Variants in KIF3B observed in about 807,000 individuals in gnomAD.
KIF3B encodes the protein kinesin family member 3B.
In KIF3B, 38 loss-of-function variants were observed where a neutral mutation model predicts 74.3. The observed-to-expected ratio is 0.51, with a 90% CI of 0.39 to 0.67. KIF3B has a LOEUF of 0.67. Among genes scored for constraint, KIF3B ranks in the 30% least tolerant of loss-of-function variants. KIF3B has a pLI of 0.00. For synonymous variants in KIF3B, 326 were observed against 342.5 expected, an observed-to-expected ratio of 0.95 and a Z score of 0.53; for missense variants, 649 against 932.0, an observed-to-expected ratio of 0.70 and a Z score of 3.95.
At chr20:32,284,099 T>G (rs1373950532) in intron 1 of KIF3B, among the ~76,000 whole-genome samples, 1 of 151,964 alleles carries the variant, frequency 6.6e-6, no homozygotes, top group African/African-American at 2.4e-5. Context: ...AAAAAAAATT[T>G]TTGTTTTTAA....
chr20:32,281,468 A>G (rs971384381), intron 1 of KIF3B, among the ~76,000 whole-genome samples: 1 of 152,378 alleles, frequency 6.6e-6, no homozygotes, highest in East Asian at 1.9e-4. Context: ...CTTATATTCT[A>G]CTGGCAGCAA....
intron 1 of KIF3B, among the ~76,000 whole-genome samples, chr20:32,285,196 G>A (rs1367875024): frequency 6.6e-6 from 1 of 152,016 alleles, no homozygotes; most frequent in Non-Finnish European, 1.5e-5. Context: ...GACTGATGAG[G>A]CCGCAAACAG....
Position 32,316,571 on chromosome 20 carries a change from T to C in KIF3B, c.1551T>C (p.Asp517=). The C allele has an allele frequency of 6.2e-7, 1 of 1,614,030 alleles. No homozygotes were observed. The highest frequency in any genetic ancestry group is 8.5e-7 in the Non-Finnish European group (1 of 1,179,998). Residue 517 remains aspartate (D), a synonymous_variant, in exon 4 of 9, where the codon GAT becomes GAC. Transcript: ENST00000375712. ...REIQQQMESR[D]EETLELKETY... ...TCCAGCAACAGATGGAAAGTCGAGA[T>C]GAGGAGACCTTGGAACTTAAAGAGA...
At chr20:32,295,228 A>G (rs190776447) in intron 1 of KIF3B, among the ~76,000 whole-genome samples, 5 of 152,018 alleles carry the variant, frequency 3.3e-5, no homozygotes, top group Non-Finnish European at 5.9e-5. Context: ...TGTAAGGGAC[A>G]TTTTGAAACT....
intron 7 of KIF3B, among the ~76,000 whole-genome samples, chr20:32,329,848 A>T (rs2047921663): frequency 6.6e-6 from 1 of 152,116 alleles, no homozygotes; most frequent in South Asian, 2.1e-4. Context: ...ATATTTTTAG[A>T]TGTTTCTGAG....
chr20:32,280,082 T>C (rs2122649538), intron 1 of KIF3B, among the ~76,000 whole-genome samples: 1 of 152,362 alleles, frequency 6.6e-6, no homozygotes, highest in East Asian at 1.9e-4. Flanking sequence ...TATAGTTTCC[T>C]CATCTGTAAA....
At chr20:32,282,095 A>T (rs1037935890) in intron 1 of KIF3B, among the ~76,000 whole-genome samples, 2 of 152,050 alleles carry the variant, frequency 1.3e-5, no homozygotes, top group South Asian at 2.1e-4. Context: ...TTTGTTTTTT[A>T]AAAAAATCAC....
At chr20:32,314,149 G>A (rs1191872127) in intron 2 of KIF3B, among the ~76,000 whole-genome samples, 1 of 152,200 alleles carries the variant, frequency 6.6e-6, no homozygotes, top group Non-Finnish European at 1.5e-5. Context: ...GCAAGATTCA[G>A]CATCATCTTA....
In KIF3B at chr20:32,310,161, C is replaced by G; in HGVS notation, c.384C>G (p.Thr128=). The G allele has an allele frequency of 1.2e-6, 2 of 1,613,212 alleles. 1 individual carries two copies. Among genetic ancestry groups the G allele is most frequent in the Admixed American group, 3.3e-5 (2 of 59,974 alleles). Residue 128 remains threonine (T), a synonymous_variant, in exon 2 of 9, where the codon ACC becomes ACG. Coordinates refer to ENST00000375712, the MANE Select transcript of KIF3B (RefSeq NM_004798.4). This position sits in a 1 kb window ranked among gnomAD's most constrained non-coding sequence, Gnocchi z 6.5. ...VIPNSFDHIF[T]HISRSQNQQY... is the part of the protein sequence containing the mutation. ...CTAACTCATTTGACCATATCTTCAC[C>G]CACATCTCTCGATCCCAGAATCAAC...
Position 32,310,106 on chromosome 20 carries a change from G to A in KIF3B, c.329G>A (p.Arg110His), listed in dbSNP as rs545536980. Residue 110 changes from arginine (R) to histidine (H), a missense_variant, in exon 2 of 9, where the codon CGT becomes CAT. Arg to His is a conservative substitution (Grantham distance 29, BLOSUM62 0). This residue lies in a region of KIF3B where 4 missense variants were observed against 21.7 expected (regional missense o/e 0.18). Coordinates refer to ENST00000375712, the MANE Select transcript of KIF3B (RefSeq NM_004798.4). The surrounding 1 kb of genome is among the most constrained non-coding windows in gnomAD (Gnocchi z 6.5). ...AAAACCTACACCATGGAAGGAATCCGTGGTGACCCTGAAAAAAGAGGAGTC... is the reference window on the plus strand; with the variant it reads ...AAAACCTACACCATGGAAGGAATCCATGGTGACCCTGAAAAAAGAGGAGTC... ...TGKTYTMEGI[R>H]GDPEKRGVIP... is the part of the protein sequence containing the mutation. The A allele has an allele frequency of 3.0e-5, 49 of 1,614,124 alleles. No individual in the cohort carries two copies. Among genetic ancestry groups the A allele is most frequent in the Admixed American group, 1.5e-4 (9 of 60,014 alleles).
chr20:32,301,149 G>A (rs1354880600), intron 1 of KIF3B, among the ~76,000 whole-genome samples: 14 of 143,442 alleles, frequency 9.8e-5, no homozygotes, highest in African/African-American at 2.8e-4. Flanking sequence ...GTGCAGTGGC[G>A]CAATCTCGGC....
At chr20:32,281,835 A>G (rs2047644509) in intron 1 of KIF3B, among the ~76,000 whole-genome samples, 1 of 152,194 alleles carries the variant, frequency 6.6e-6, no homozygotes, top group South Asian at 2.1e-4. Flanking sequence ...TGTCAGAAGG[A>G]AGAGCAAGGG....
intron 1 of KIF3B, among the ~76,000 whole-genome samples, chr20:32,299,396 TATATA>T (rs1273696615): frequency 2.3e-4 from 15 of 64,334 alleles, no homozygotes; most frequent in East Asian, 1.4e-3. Context: ...TATATATATA[TATATA>T]TATTTTTTTT....
chr20:32,317,825 G>T (rs920299929), intron 5 of KIF3B, among the ~76,000 whole-genome samples: 2 of 151,970 alleles, frequency 1.3e-5, no homozygotes, highest in Non-Finnish European at 2.9e-5. Flanking sequence ...AAATTTTATA[G>T]AGATAGAGTC....
chr20:32,288,894 A>G (rs1003707632), intron 1 of KIF3B, among the ~76,000 whole-genome samples: 1 of 152,174 alleles, frequency 6.6e-6, no homozygotes, highest in Non-Finnish European at 1.5e-5. Flanking sequence ...AACTCATCAT[A>G]TTAATAAAAT....
chr20:32,298,414 A>T (rs1176306443), intron 1 of KIF3B, among the ~76,000 whole-genome samples: 1 of 152,258 alleles, frequency 6.6e-6, no homozygotes. Context: ...TGGGTGACAG[A>T]GTGAGACTCT....
At position 32,323,173 on chromosome 20, in the gene KIF3B, T is replaced by C. The variant is rs1225782831; in HGVS notation, c.1749-3598T>C. ...ATATTTATATTTATATATTTATATT[T>C]ATATATTTATATATATTTATATTTA... On this transcript the variant is annotated intron_variant, in intron 5 of 8. Transcript: ENST00000375712. Among the ~76,000 whole-genome samples the C allele has an allele frequency of 5.4e-3, 551 of 101,914 alleles. 4 individuals are homozygous for C. Among genetic ancestry groups the C allele is most frequent in the African/African-American group, 0.018 (541 of 30,142 alleles). The allele number at this position is 101,914 out of a possible 152,430, so 66.9% of individuals were successfully genotyped here.
chr20:32,297,109 G>T (rs988565534), intron 1 of KIF3B, among the ~76,000 whole-genome samples: 3 of 151,946 alleles, frequency 2.0e-5, no homozygotes. Context: ...CTTCTTGCTC[G>T]AGTGTTGCAG....
Position 32,310,415 on chromosome 20 carries a change from C to T in KIF3B, c.638C>T (p.Ser213Leu), listed in dbSNP as rs1330847036. ...GCTACCAACATGAACGAGCACAGCTCGCGTTCTCATGCAATTTTCGTTATC... is the reference window on the plus strand; with the variant it reads ...GCTACCAACATGAACGAGCACAGCTTGCGTTCTCATGCAATTTTCGTTATC... Reference protein sequence around the residue: ...VGATNMNEHSSRSHAIFVITI... With the variant: ...VGATNMNEHSLRSHAIFVITI... The change falls in exon 2 of 9, where the codon TCG (serine) becomes TTG (leucine). Residue 213 changes from serine to leucine, a missense_variant. By Grantham distance (145) the Ser-to-Leu change is moderately radical. Transcript: ENST00000375712. The surrounding 1 kb of genome is among the most constrained non-coding windows in gnomAD (Gnocchi z 6.5). The T allele has an allele frequency of 2.5e-6, 4 of 1,614,188 alleles. No individual in the cohort carries two copies. The highest frequency in any genetic ancestry group is 3.4e-6 in the Non-Finnish European group (4 of 1,180,034).
Sources: gnomAD v4.1 joint callset for allele counts (sites outside exome capture counted in the v4.1 genomes callset) on GRCh38, gnomAD v4.1.1 for gene constraint, gnomAD v4.1.1 regional missense constraint, Gnocchi (gnomAD v3.1) non-coding constraint, MANE v1.5 for transcripts, NCBI Gene and HGNC (gene_info 2026-07-23, HGNC 2026-07-21) for gene names.